The following SCYL2 variants were observed in gnomAD, a reference collection of about 807,000 sequenced individuals.
The protein encoded by SCYL2 is SCY1 like pseudokinase 2, also known as SCY1-like protein 2.
A neutral mutation model predicts 100.4 loss-of-function variants in SCYL2; 36 were observed. That is an observed-to-expected ratio of 0.36 (90% CI 0.27 to 0.47). SCYL2 has a LOEUF of 0.47. Among genes scored for constraint, SCYL2 ranks in the 20% least tolerant of loss-of-function variants. The pLI is 1.00. For missense variants in SCYL2, 902 were observed against 1,083.9 expected (o/e 0.83, Z 2.36); for synonymous variants, 330 against 359.2 (o/e 0.92, Z 0.92).
intron 2 of SCYL2, among the ~76,000 whole-genome samples, chr12:100,291,024 A>G (rs566473010): frequency 1.2e-4 from 18 of 152,312 alleles, no homozygotes; most frequent in African/African-American, 4.3e-4. Flanking sequence ...GGGGATAGGA[A>G]GGTATGAGAT....
In SCYL2 at chr12:100,339,231, A is replaced by T. The variant is rs1429510514; in HGVS notation, c.*59A>T. On this transcript the variant is annotated 3_prime_UTR_variant, in exon 18 of 18. Transcript: ENST00000360820. Reference sequence around the variant, plus strand: ...GTTTCAATCATGGGTGAGCTGATTTACATCTTTATATAGTTGGCTTGGAGG... The same window carrying T: ...GTTTCAATCATGGGTGAGCTGATTTTCATCTTTATATAGTTGGCTTGGAGG... 1 of 1,512,918 alleles carries T rather than the reference A, an allele frequency of 6.6e-7. No homozygotes were observed. The highest frequency in any genetic ancestry group is 8.9e-7 in the Non-Finnish European group (1 of 1,117,500). The allele number at this position is 1,512,918 out of a possible 1,614,324, so 93.7% of individuals were successfully genotyped here. A position where few individuals can be genotyped will look rare whatever the true frequency, so the allele number is the denominator to read the frequency against.
chr12:100,280,910 T>A (rs2096297351), intron 1 of SCYL2, among the ~76,000 whole-genome samples: 1 of 151,696 alleles, frequency 6.6e-6, no homozygotes, highest in Admixed American at 6.6e-5. Context: ...AATTAAATGA[T>A]AAGTATTCAT....
chr12:100,292,228 T>C (rs2096311460), intron 3 of SCYL2, among the ~76,000 whole-genome samples: 1 of 152,248 alleles, frequency 6.6e-6, no homozygotes, highest in Non-Finnish European at 1.5e-5. Flanking sequence ...AATACTCCTT[T>C]AGATACGCTA....
chr12:100,276,136 T>C (rs1185386319), intron 1 of SCYL2, among the ~76,000 whole-genome samples: 1 of 152,230 alleles, frequency 6.6e-6, no homozygotes, highest in Non-Finnish European at 1.5e-5. Flanking sequence ...GATGTCAAGG[T>C]AATGCTGACT....
rs1052095844 is a variant in SCYL2, at chr12:100,318,329, CTT to C, written c.1395+422_1395+423del. Among the ~76,000 whole-genome samples the C allele has an allele frequency of 4.8e-3, 633 of 130,890 alleles. 5 individuals carry two copies. Among genetic ancestry groups the C allele is most frequent in the African/African-American group, 0.017 (588 of 34,382 alleles). 85.9% of individuals were successfully genotyped at this position (130,890 alleles called of 152,430 possible). A position where few individuals can be genotyped will look rare whatever the true frequency, so the allele number is the denominator to read the frequency against. The stretch of plus-strand genomic sequence containing the variant: ...ATGCATGTGCCTTTTTCTTTTCTTT[CTT>C]TTTTTTTTTTTTTTTTTGAGACTGA... On this transcript the variant is annotated intron_variant, in intron 10 of 17. Coordinates refer to ENST00000360820, the MANE Select transcript of SCYL2 (RefSeq NM_017988.6).
intron 1 of SCYL2, among the ~76,000 whole-genome samples, chr12:100,269,935 A>G (rs1201517229): frequency 6.6e-6 from 1 of 152,088 alleles, no homozygotes; most frequent in Non-Finnish European, 1.5e-5. Flanking sequence ...TGTCTTAGAC[A>G]GTACTTGTGT....
In SCYL2 at chr12:100,323,521, A is replaced by G. The variant is rs371182308; in HGVS notation, c.1396-4A>G. 3 of 1,505,446 alleles carry G rather than the reference A, an allele frequency of 2.0e-6. No homozygotes were observed. Among genetic ancestry groups the G allele is most frequent in the African/African-American group, 1.4e-5 (1 of 72,076 alleles). 93.3% of individuals were successfully genotyped at this position (1,505,446 alleles called of 1,614,324 possible). A position where few individuals can be genotyped will look rare whatever the true frequency, so the allele number is the denominator to read the frequency against. On this transcript the variant is annotated splice_region_variant and splice_polypyrimidine_tract_variant and intron_variant, in intron 10 of 17. Transcript: ENST00000360820. ...AATATTGATTCAGTTTATTTTCTTT[A>G]TAGGAGCTCTGTCTAAACATCATTC...
At chr12:100,316,211 A>C (rs1003944997) in intron 9 of SCYL2, among the ~76,000 whole-genome samples, 1 of 152,222 alleles carries the variant, frequency 6.6e-6, no homozygotes, top group Middle Eastern at 3.2e-3. Flanking sequence ...TTACAGCACC[A>C]TGGGAATAAT....
intron 1 of SCYL2, among the ~76,000 whole-genome samples, chr12:100,272,558 G>T (rs781317971): frequency 2.6e-5 from 4 of 152,166 alleles, no homozygotes; most frequent in Middle Eastern, 6.8e-3. Flanking sequence ...TGGCCTGCAT[G>T]TCTAAAAACC....
At chr12:100,322,816 T>G (rs1365849271) in intron 10 of SCYL2, among the ~76,000 whole-genome samples, 1 of 149,744 alleles carries the variant, frequency 6.7e-6, no homozygotes, top group Non-Finnish European at 1.5e-5. Context: ...GCCAAGGTCA[T>G]GTCACTACAC....
intron 13 of SCYL2, among the ~76,000 whole-genome samples, chr12:100,331,689 A>G (rs1330100674): frequency 6.6e-6 from 1 of 152,106 alleles, no homozygotes; most frequent in African/African-American, 2.4e-5. Flanking sequence ...ATTTTCATCA[A>G]CAAATATTTT....
chr12:100,310,437 T>C (rs1467656809), intron 4 of SCYL2, among the ~76,000 whole-genome samples: 3 of 152,240 alleles, frequency 2.0e-5, no homozygotes, highest in Admixed American at 6.5e-5. Context: ...ATGTCTTCTT[T>C]GGAATGTATG....
chr12:100,339,087 T>G lies in SCYL2; in HGVS notation c.2705T>G (p.Phe902Cys), dbSNP rs1247812772. 6.2e-7 allele frequency: 1 copy of G among 1,614,072 alleles called. No individual in the cohort carries two copies. Among genetic ancestry groups the G allele is most frequent in the Admixed American group, 1.7e-5 (1 of 60,002 alleles). Residue 902 changes from phenylalanine to cysteine, a missense_variant, in exon 18 of 18, where the codon TTT (phenylalanine) becomes TGT (cysteine). Physicochemically the swap from Phe to Cys is radical, Grantham distance 205 (BLOSUM62 -2). Coordinates refer to ENST00000360820, the MANE Select transcript of SCYL2 (RefSeq NM_017988.6). ...SAFGMQGNPF[F>C]NPQNFAQPPT... Reference sequence around the variant, plus strand: ...TTTGGTATGCAGGGTAATCCTTTCTTTAACCCACAGAACTTTGCACAGCCA... The same window carrying G: ...TTTGGTATGCAGGGTAATCCTTTCTGTAACCCACAGAACTTTGCACAGCCA...
intron 3 of SCYL2, among the ~76,000 whole-genome samples, chr12:100,294,844 G>A (rs868826505): frequency 0.029 from 4,319 of 149,582 alleles, 89 homozygotes; most frequent in African/African-American, 0.052. Flanking sequence ...GGGCGGAGAC[G>A]CTCCTCATTT....
chr12:100,270,626 T>TC (rs2096286593), intron 1 of SCYL2, among the ~76,000 whole-genome samples: 2 of 150,816 alleles, frequency 1.3e-5, no homozygotes, highest in African/African-American at 4.9e-5. Context: ...TTGCTTTCTT[T>TC]TTTTTTTTTT....
chr12:100,287,881 C>T (rs961460385), intron 2 of SCYL2, among the ~76,000 whole-genome samples: 1 of 152,106 alleles, frequency 6.6e-6, no homozygotes, highest in Non-Finnish European at 1.5e-5. Flanking sequence ...TATTTACTAT[C>T]AGTAAGCAAT....
intron 4 of SCYL2, among the ~76,000 whole-genome samples, chr12:100,306,521 T>A (rs2096334616): frequency 6.6e-6 from 1 of 152,212 alleles, no homozygotes; most frequent in Admixed American, 6.5e-5. Context: ...ATAAGAGCCA[T>A]TTATGACAAA....
At chr12:100,317,580 C>G in intron 9 of SCYL2, 1 of 1,045,710 alleles carries the variant, frequency 9.6e-7, no homozygotes, top group Non-Finnish European at 1.3e-6. Context: ...GGAGATTAGT[C>G]TTTATTTAAT....
chr12:100,270,787 C>T (rs2096286798), intron 1 of SCYL2, among the ~76,000 whole-genome samples: 1 of 151,950 alleles, frequency 6.6e-6, no homozygotes, highest in African/African-American at 2.4e-5. Flanking sequence ...CTTTTTAAAT[C>T]TTAAATCTTA....
Sources: gnomAD v4.1 joint callset for allele counts (sites outside exome capture counted in the v4.1 genomes callset) on GRCh38, gnomAD v4.1.1 for gene constraint, MANE v1.5 for transcripts, NCBI Gene and HGNC (gene_info 2026-07-23, HGNC 2026-07-21) for gene names.